The following HEATR5B variants were observed in gnomAD, a reference collection of about 807,000 sequenced individuals.
HEATR5B encodes the protein HEAT repeat containing 5B, also known as HEAT repeat-containing protein 5B.
A neutral mutation model predicts 224.1 loss-of-function variants in HEATR5B; 156 were observed. The ratio of observed to expected loss-of-function variants is 0.70; its 90% CI spans 0.61 to 0.80. The LOEUF (loss-of-function observed/expected upper bound fraction) is 0.80. HEATR5B is among the 30% of genes least tolerant of loss of function. The probability of loss-of-function intolerance (pLI) is 0.00; values close to 1 mark genes in which losing one functional copy is unlikely to be tolerated. For synonymous variants in HEATR5B, 1,027 were observed against 893.0 expected, an observed-to-expected ratio of 1.15 and a Z score of -2.68; for missense variants, 2,323 against 2,535.5, an observed-to-expected ratio of 0.92 and a Z score of 1.80.
Position 37,064,666 on chromosome 2 carries a change from C to G in HEATR5B, c.1584+74G>C. On this transcript the variant is annotated intron_variant, in intron 10 of 35. Coordinates refer to ENST00000233099, the MANE Select transcript of HEATR5B (RefSeq NM_019024.3). ...TGTTATTTGACCACCCTGTTCAACA[C>G]TAAACACAGCAGCGTTCCTATAAAG... The G allele has an allele frequency of 1.1e-5, 17 of 1,508,472 alleles. 2 individuals are homozygous for G. The South Asian group carries it at 2.0e-4, about 18-fold the overall frequency. 93.4% of individuals were successfully genotyped at this position (1,508,472 alleles called of 1,614,324 possible). A position where few individuals can be genotyped will look rare whatever the true frequency, so the allele number is the denominator to read the frequency against.
At chr2:37,027,560 C>T (rs1013605942) in intron 24 of HEATR5B, among the ~76,000 whole-genome samples, 10 of 152,186 alleles carry the variant, frequency 6.6e-5, no homozygotes, top group Admixed American at 2.0e-4. Context: ...CGGCAAAGCT[C>T]ACTTTATTTA....
chr2:37,060,076 T>C (rs987862732), intron 12 of HEATR5B, among the ~76,000 whole-genome samples: 1 of 152,208 alleles, frequency 6.6e-6, no homozygotes, highest in East Asian at 1.9e-4. Flanking sequence ...TGTAAGCTGT[T>C]AACTCCCAGA....
At chr2:37,075,730 T>A in intron 4 of HEATR5B, 96 bp from the exon 5 acceptor site, 1 of 730,804 alleles carries the variant, frequency 1.4e-6, no homozygotes. Context: ...CTAATGGTCT[T>A]ACCTCCAAAT....
intron 2 of HEATR5B, among the ~76,000 whole-genome samples, chr2:37,081,552 T>G (rs1001495096): frequency 2.0e-5 from 3 of 152,134 alleles, no homozygotes; most frequent in African/African-American, 7.2e-5. Flanking sequence ...AGATCACGGT[T>G]TTTTTAAGCC....
chr2:36,996,596 T>C (rs1262288462), intron 33 of HEATR5B, among the ~76,000 whole-genome samples: 1 of 151,824 alleles, frequency 6.6e-6, no homozygotes, highest in African/African-American at 2.4e-5. Context: ...TTTGTATATA[T>C]ATATATTTTT....
At chr2:36,989,139 G>T (rs1666149734) in intron 34 of HEATR5B, among the ~76,000 whole-genome samples, 1 of 152,192 alleles carries the variant, frequency 6.6e-6, no homozygotes, top group South Asian at 2.1e-4. Flanking sequence ...AGGCTAGAGT[G>T]CAGTGGCACC....
In HEATR5B at chr2:37,061,940, T is replaced by C; in HGVS notation, c.1695A>G (p.Leu565=). 6.3e-7 allele frequency: 1 copy of C among 1,594,710 alleles called. No individual in the cohort carries two copies. Among genetic ancestry groups the C allele is most frequent in the Non-Finnish European group, 8.6e-7 (1 of 1,162,650 alleles). ...GWLLLGALMT[L]GPSVVRYHLP... ...AATCCTACTCAAATATAATTATACC[T>C]AAAGTCATAAGTGCTCCAAGTAAAA... The change falls in exon 11 of 36, where the codon TTA becomes TTG. Residue 565 remains leucine (L), a splice_region_variant and synonymous_variant. Coordinates refer to ENST00000233099, the MANE Select transcript of HEATR5B (RefSeq NM_019024.3).
rs371845867 is a variant in HEATR5B, at chr2:37,047,479, T to C, written c.2696+2174A>G. ...AAAGCAGAATCAATGTTCACAGTGATAATCATCTCTTCACAGTAAATAATC... is the reference window on the plus strand; with the variant it reads ...AAAGCAGAATCAATGTTCACAGTGACAATCATCTCTTCACAGTAAATAATC... On this transcript the variant is annotated intron_variant, in intron 18 of 35. Coordinates refer to ENST00000233099, the MANE Select transcript of HEATR5B (RefSeq NM_019024.3). Among the ~76,000 whole-genome samples the C allele has an allele frequency of 4.0e-4, 61 of 152,354 alleles. 1 individual carries two copies. The highest frequency in any genetic ancestry group is 1.4e-3 in the African/African-American group (60 of 41,590).
intron 2 of HEATR5B, among the ~76,000 whole-genome samples, chr2:37,080,714 T>G (rs1281490118): frequency 6.6e-6 from 1 of 152,026 alleles, no homozygotes; most frequent in African/African-American, 2.4e-5. Context: ...GGAATCATTA[T>G]TTTATAGATG....
At position 37,059,410 on chromosome 2, in the gene HEATR5B, G is replaced by A. The variant is rs78966318; in HGVS notation, c.1850-423C>T. Among the ~76,000 whole-genome samples the A allele has an allele frequency of 6.6e-3, 283 of 43,168 alleles. 1 individual carries two copies. Among genetic ancestry groups the A allele is most frequent in the South Asian group, 0.035 (33 of 952 alleles). The allele number at this position is 43,168 out of a possible 152,430, so 28.3% of individuals were successfully genotyped here. On this transcript the variant is annotated intron_variant, in intron 12 of 35. Transcript: ENST00000233099. Reference sequence around the variant, plus strand: ...CTTTTACAGATATATATGTATATGTGTGTGTGTGTGTGTGTGTGTGTGTGT... The same window carrying A: ...CTTTTACAGATATATATGTATATGTATGTGTGTGTGTGTGTGTGTGTGTGT...
At chr2:37,009,572 T>C (rs1377534201) in intron 27 of HEATR5B, among the ~76,000 whole-genome samples, 2 of 151,560 alleles carry the variant, frequency 1.3e-5, no homozygotes, top group African/African-American at 4.9e-5. Flanking sequence ...TTTGAGATCC[T>C]GTCTCAAAAA....
At chr2:37,008,555 T>C in intron 28 of HEATR5B, 56 bp downstream of exon 28, 1 of 1,193,178 alleles carries the variant, frequency 8.4e-7, no homozygotes, top group Non-Finnish European at 1.3e-6. Flanking sequence ...CGTCTCTATT[T>C]TGTTTAACTA....
chr2:37,052,757 C>T (rs747441193), intron 17 of HEATR5B, among the ~76,000 whole-genome samples: 8 of 152,302 alleles, frequency 5.3e-5, no homozygotes, highest in Non-Finnish European at 1.2e-4. Flanking sequence ...AGATGGTGAC[C>T]AAGTGACTAA....
rs1671731753 is a variant in HEATR5B at position 37,068,766 on chromosome 2, A to C, written c.1092T>G (p.Thr364=). 6.2e-7 allele frequency: 1 copy of C among 1,614,060 alleles called. No individual in the cohort carries two copies. The highest frequency in any genetic ancestry group is 1.3e-5 in the African/African-American group (1 of 74,926). Residue 364 remains threonine, a synonymous_variant, in exon 8 of 36, where the codon ACT becomes ACG. Coordinates refer to ENST00000233099, the MANE Select transcript of HEATR5B (RefSeq NM_019024.3). ...CTTTTTCACCTAGCAAACTGCCCAC[A>C]GTAGCTCTTAGGATAAAGGAAACAC... ...RRCVSFILRA[T]VGSLLGEKAQ... is the part of the protein sequence containing the mutation.
chr2:37,065,646 T>C (rs1285681342), intron 9 of HEATR5B, 109 bp downstream of exon 9: 6 of 926,220 alleles, frequency 6.5e-6, no homozygotes, highest in Non-Finnish European at 8.3e-6. Context: ...AACCTGATGA[T>C]CTGAAGTGCT....
At chr2:37,017,609 C>T (rs1668199919) in intron 26 of HEATR5B, among the ~76,000 whole-genome samples, 1 of 145,882 alleles carries the variant, frequency 6.9e-6, no homozygotes, top group Admixed American at 7.1e-5. Context: ...TCGCTTGAAC[C>T]TGGGAGGTGG....
intron 21 of HEATR5B, among the ~76,000 whole-genome samples, chr2:37,037,500 G>C (rs1428267005): frequency 6.6e-6 from 1 of 151,850 alleles, no homozygotes; most frequent in Non-Finnish European, 1.5e-5. Context: ...TTTCTTAAAA[G>C]GTAAAAGAGA....
Position 37,037,974 on chromosome 2 carries a change from C to A in HEATR5B, c.3097G>T (p.Ala1033Ser). 6.3e-7 allele frequency: 1 copy of A among 1,595,112 alleles called. No individual in the cohort carries two copies. Among genetic ancestry groups the A allele is most frequent in the Non-Finnish European group, 8.6e-7 (1 of 1,168,518 alleles). Residue 1033 changes from alanine to serine, a missense_variant, in exon 21 of 36, where the codon GCA becomes TCA. Coordinates refer to ENST00000233099, the MANE Select transcript of HEATR5B (RefSeq NM_019024.3). ...TIRSSCLVGC[A>S]ITQDHSDSLV... The stretch of plus-strand genomic sequence containing the variant: ...GAATCTGAATGGTCTTGTGTTATTG[C>A]ACAACCCACCAAACAAGAGGAACGA...
intron 24 of HEATR5B, among the ~76,000 whole-genome samples, chr2:37,021,104 G>A (rs1431357745): frequency 6.6e-6 from 1 of 152,136 alleles, no homozygotes. Flanking sequence ...TTCCCAAAAT[G>A]AGTTTCTGAT....
Sources: allele counts gnomAD v4.1 joint callset (sites outside exome capture counted in the v4.1 genomes callset), GRCh38; gene constraint gnomAD v4.1.1; transcripts MANE v1.5; gene names NCBI Gene and HGNC (gene_info 2026-07-23, HGNC 2026-07-21).